The following RORA variants were observed in gnomAD, a reference collection of about 807,000 sequenced individuals.
The protein encoded by RORA is RAR related orphan receptor A.
A neutral mutation model predicts 69.5 loss-of-function variants in RORA; 7 were observed. That is an observed-to-expected ratio of 0.10 (90% CI 0.06 to 0.19). The LOEUF is 0.19. Among genes scored for constraint, RORA ranks in the 10% least tolerant of loss-of-function variants. RORA has a pLI of 1.00. For synonymous variants in RORA, 261 were observed against 240.8 expected (o/e 1.08, Z -0.78); for missense variants, 457 against 663.0 (o/e 0.69, Z 3.41).
chr15:60,967,075 A>G (rs554282341), intron 1 of RORA, among the ~76,000 whole-genome samples: 1 of 152,224 alleles, frequency 6.6e-6, no homozygotes, highest in Non-Finnish European at 1.5e-5. Context: ...TCTACAGGGC[A>G]TGGAGATAGA....
At chr15:61,042,950 A>C (rs1896854039) in intron 1 of RORA, among the ~76,000 whole-genome samples, 1 of 152,230 alleles carries the variant, frequency 6.6e-6, no homozygotes, top group Non-Finnish European at 1.5e-5. Flanking sequence ...AAACTGAGCA[A>C]GGGCAAGTTT....
chr15:60,530,869 T>A (rs1371550111), intron 3 of RORA: 1 of 152,204 alleles, frequency 6.6e-6, no homozygotes, highest in Admixed American at 6.5e-5. Flanking sequence ...TTAAATAGCT[T>A]CTCTCCTGTT....
intron 1 of RORA, among the ~76,000 whole-genome samples, chr15:60,883,508 G>A (rs1306601039): frequency 6.6e-6 from 1 of 151,230 alleles, no homozygotes; most frequent in Non-Finnish European, 1.5e-5. Flanking sequence ...CCATTAAACT[G>A]AAGTCCATGA....
intron 1 of RORA, among the ~76,000 whole-genome samples, chr15:61,174,800 AC>A (rs1391998136): frequency 6.6e-6 from 1 of 151,764 alleles, no homozygotes; most frequent in Non-Finnish European, 1.5e-5. Flanking sequence ...TTGCATACTC[AC>A]TATGTTCCAG....
At chr15:60,887,923 G>A (rs2073769595) in intron 1 of RORA, among the ~76,000 whole-genome samples, 1 of 152,118 alleles carries the variant, frequency 6.6e-6, no homozygotes, top group Non-Finnish European at 1.5e-5. Flanking sequence ...TCCAATATGG[G>A]CATCTAAGAA....
intron 2 of RORA, among the ~76,000 whole-genome samples, chr15:60,562,474 C>T (rs566110619): frequency 1.3e-4 from 19 of 148,568 alleles, no homozygotes; most frequent in African/African-American, 3.7e-4. Flanking sequence ...CTTGCTCTGT[C>T]GCCCAGGCTG....
chr15:60,501,713 T>TAAC (rs2141267240), intron 8 of RORA, among the ~76,000 whole-genome samples: 1 of 152,338 alleles, frequency 6.6e-6, no homozygotes, highest in African/African-American at 2.4e-5. Context: ...AAAACTATTA[T>TAAC]AACTATTTAC....
At chr15:60,957,162 C>T (rs758871429) in intron 1 of RORA, among the ~76,000 whole-genome samples, 19 of 152,160 alleles carry the variant, frequency 1.2e-4, no homozygotes, top group South Asian at 2.1e-4. Flanking sequence ...AGGAGACAGA[C>T]GGGTAGAATG....
At chr15:61,200,837 G>GAT (rs1294465516) in intron 1 of RORA, among the ~76,000 whole-genome samples, 1 of 152,140 alleles carries the variant, frequency 6.6e-6, no homozygotes, top group Non-Finnish European at 1.5e-5. Flanking sequence ...GCTTCTCCCA[G>GAT]GGTAGTCAAC....
chr15:61,137,102 A>AGAGAGAGAG (rs60733247), intron 1 of RORA, among the ~76,000 whole-genome samples: 1 of 149,742 alleles, frequency 6.7e-6, no homozygotes, highest in African/African-American at 2.5e-5. Context: ...AAAGAAAGAA[A>AGAGAGAGAG]AAAGCAAGGG....
chr15:60,823,107 TC>T (rs1304191952), intron 1 of RORA, among the ~76,000 whole-genome samples: 301 of 6,558 alleles, frequency 0.046, 2 homozygotes, highest in African/African-American at 0.061. Context: ...TTCATTCTTC[TC>T]TTTCTCTCTC....
intron 1 of RORA, among the ~76,000 whole-genome samples, chr15:60,866,969 G>A (rs1218431058): frequency 1.3e-5 from 2 of 151,964 alleles, no homozygotes; most frequent in Non-Finnish European, 2.9e-5. Context: ...GGGCTCAAGC[G>A]ATTCTCATGC....
chr15:61,028,504 G>C (rs1281053668), intron 1 of RORA, among the ~76,000 whole-genome samples: 1 of 152,162 alleles, frequency 6.6e-6, no homozygotes, highest in Non-Finnish European at 1.5e-5. Context: ...GTGAGTCAAA[G>C]CAGATACAGT....
intron 1 of RORA, among the ~76,000 whole-genome samples, chr15:61,013,824 C>T (rs1337971763): frequency 1.4e-5 from 2 of 142,192 alleles, no homozygotes; most frequent in African/African-American, 5.3e-5. Flanking sequence ...CGCTCGGTTG[C>T]CCAGGCTGGA....
intron 1 of RORA, among the ~76,000 whole-genome samples, chr15:61,014,138 C>G (rs1372446706): frequency 6.6e-6 from 1 of 152,160 alleles, no homozygotes; most frequent in African/African-American, 2.4e-5. Flanking sequence ...CAAGTAGATA[C>G]AGCAGGATCC....
rs147419348 is a variant in RORA at position 60,920,200 on chromosome 15, T to C, written c.167-241514A>G. 8.0e-3 allele frequency among the ~76,000 whole-genome samples: 1,212 copies of C among 152,352 alleles called. 13 individuals carry two copies. Among genetic ancestry groups the C allele is most frequent in the African/African-American group, 0.028 (1,166 of 41,582 alleles). On this transcript the variant is annotated intron_variant, in intron 1 of 10. Coordinates refer to ENST00000335670, the MANE Select transcript of RORA (RefSeq NM_134261.3). Reference sequence around the variant, plus strand: ...TTGGAATTATGTATGCATCTATCTATGTATCTATCTATATATCTAAGTATC... The same window carrying C: ...TTGGAATTATGTATGCATCTATCTACGTATCTATCTATATATCTAAGTATC...
At chr15:60,599,803 TG>T (rs1315669133) in intron 2 of RORA, among the ~76,000 whole-genome samples, 1 of 152,252 alleles carries the variant, frequency 6.6e-6, no homozygotes, top group Non-Finnish European at 1.5e-5. Flanking sequence ...AGAAGGGAAT[TG>T]TGCTTCAGAA....
intron 1 of RORA, among the ~76,000 whole-genome samples, chr15:60,798,965 G>A (rs1033865248): frequency 2.0e-5 from 3 of 149,844 alleles, no homozygotes; most frequent in African/African-American, 7.4e-5. Context: ...CTCAAGGACA[G>A]TGTATTATGG....
Position 60,838,186 on chromosome 15 carries a change from C to T in RORA, c.167-159500G>A, listed in dbSNP as rs139734001. 6.6e-3 allele frequency among the ~76,000 whole-genome samples: 1,004 copies of T among 152,230 alleles called. 14 individuals are homozygous for T. Among genetic ancestry groups the T allele is most frequent in the African/African-American group, 0.023 (958 of 41,532 alleles). ...TAGACCTCTATCCTATTGTTTCTGCCACCCCTACTCTCCAGCATGCTGTTC... is the reference window on the plus strand; with the variant it reads ...TAGACCTCTATCCTATTGTTTCTGCTACCCCTACTCTCCAGCATGCTGTTC... On this transcript the variant is annotated intron_variant, in intron 1 of 10. Coordinates refer to ENST00000335670, the MANE Select transcript of RORA (RefSeq NM_134261.3).
Sources: allele counts gnomAD v4.1 joint callset (sites outside exome capture counted in the v4.1 genomes callset), GRCh38; gene constraint gnomAD v4.1.1; transcripts MANE v1.5; gene names NCBI Gene and HGNC (gene_info 2026-07-23, HGNC 2026-07-21).